Variants in ROS1 observed in about 807,000 individuals in gnomAD.
ROS1 encodes the protein ROS proto-oncogene 1, receptor tyrosine kinase.
A neutral mutation model predicts 273.5 loss-of-function variants in ROS1; 263 were observed. The ratio of observed to expected loss-of-function variants is 0.96; its 90% confidence interval spans 0.87 to 1.06. ROS1 has a LOEUF of 1.06. Ranked by LOEUF, ROS1 falls within the 50% of genes least tolerant of loss-of-function variation. ROS1 has a pLI of 0.00. For missense variants in ROS1, 2,833 were observed against 2,751.1 expected (o/e 1.03, Z -0.67); for synonymous variants, 1,008 against 954.1 (o/e 1.06, Z -1.04).
chr6:117,323,602 G>A (rs1776433657), intron 35 of ROS1, among the ~76,000 whole-genome samples: 1 of 152,070 alleles, frequency 6.6e-6, no homozygotes, highest in Admixed American at 6.6e-5. Flanking sequence ...ATTATTATTT[G>A]TGCTGAAACA....
In ROS1 at chr6:117,324,312, A is replaced by T. The variant is rs2128574759; in HGVS notation, c.5623+20T>A. 8.2e-7 allele frequency: 1 copy of T among 1,214,964 alleles called. No homozygotes were observed. Among genetic ancestry groups the T allele is most frequent in the Non-Finnish European group, 1.2e-6 (1 of 834,290 alleles). 75.3% of individuals were successfully genotyped at this position (1,214,964 alleles called of 1,614,324 possible). ...AAGTAAACAGTTTGTTGCCTATTTTAAAAATTCTATTATACTTACCAAAGG... is the reference window on the plus strand; with the variant it reads ...AAGTAAACAGTTTGTTGCCTATTTTTAAAATTCTATTATACTTACCAAAGG... On this transcript the variant is annotated intron_variant, in intron 35 of 43. Transcript: ENST00000368507.
chr6:117,366,460 T>C (rs533378705), intron 18 of ROS1, among the ~76,000 whole-genome samples, 170 bp from the exon 19 acceptor site: 1 of 152,192 alleles, frequency 6.6e-6, no homozygotes, highest in Non-Finnish European at 1.5e-5. Flanking sequence ...CATATTAAGT[T>C]GGGTTTTTAT....
intron 39 of ROS1, among the ~76,000 whole-genome samples, chr6:117,313,831 G>A (rs1775718390): frequency 2.0e-5 from 3 of 152,164 alleles, no homozygotes; most frequent in Admixed American, 2.0e-4. Context: ...GAAGTCAGCA[G>A]GAGGGAGAGT....
intron 43 of ROS1, among the ~76,000 whole-genome samples, chr6:117,296,418 T>C (rs530389529): frequency 6.7e-6 from 1 of 149,782 alleles, no homozygotes; most frequent in East Asian, 2.0e-4. Flanking sequence ...AATAGACAAA[T>C]GGATAAAGAA....
At chr6:117,307,936 C>G (rs1775234799) in intron 42 of ROS1, among the ~76,000 whole-genome samples, 1 of 152,130 alleles carries the variant, frequency 6.6e-6, no homozygotes. Flanking sequence ...TCCAACTGCT[C>G]TCTGTGGGTG....
In ROS1 at chr6:117,365,711, G is replaced by T. The variant is rs774580552; in HGVS notation, c.2828C>A (p.Pro943Gln). The change falls in exon 20 of 44, where the codon CCA becomes CAA. Residue 943 changes from proline (P) to glutamine (Q), a missense_variant. Coordinates refer to ENST00000368507, the MANE Select transcript of ROS1 (RefSeq NM_001378902.1). ...AAATGAAGACTCTTGAACAGAATCT[G>T]GAATAACCTTAGGGGTAAAGGAAAA... ...GNFSFTPKVI[P>Q]DSVQESSFRI... is the part of the protein sequence containing the mutation. 1.2e-6 allele frequency: 2 copies of T among 1,601,084 alleles called. No individual in the cohort carries two copies. Among genetic ancestry groups the T allele is most frequent in the Non-Finnish European group, 1.7e-6 (2 of 1,175,508 alleles).
At chr6:117,418,428 T>G in intron 2 of ROS1, 34 bp downstream of exon 2, 1 of 1,471,220 alleles carries the variant, frequency 6.8e-7, no homozygotes, top group Non-Finnish European at 9.4e-7. Flanking sequence ...ACACAAACAT[T>G]GTAATATTCT....
intron 21 of ROS1, 49 bp from the exon 22 acceptor site, chr6:117,362,914 A>G (rs1276587134): frequency 2.1e-6 from 3 of 1,458,566 alleles, no homozygotes; most frequent in Non-Finnish European, 9.2e-7. Context: ...AAGAATATAA[A>G]GAATATAAGA....
intron 37 of ROS1, 124 bp from the exon 38 acceptor site, chr6:117,318,376 A>C: frequency 1.4e-6 from 1 of 709,154 alleles, no homozygotes; most frequent in East Asian, 2.6e-5. Flanking sequence ...CAGATCGTAG[A>C]TAAAACATGT....
intron 8 of ROS1, 94 bp downstream of exon 8, chr6:117,396,821 C>T (rs2128716293): frequency 1.1e-6 from 1 of 932,076 alleles, no homozygotes; most frequent in Non-Finnish European, 1.7e-6. Context: ...CTTCTCAAAG[C>T]ACATTTAAAC....
intron 43 of ROS1, among the ~76,000 whole-genome samples, chr6:117,293,153 C>G (rs1295578875): frequency 6.6e-6 from 1 of 152,166 alleles, no homozygotes; most frequent in Non-Finnish European, 1.5e-5. Flanking sequence ...TTTTTCTTGA[C>G]TCTCCCTCTG....
chr6:117,408,959 C>G (rs1288749650), intron 5 of ROS1, among the ~76,000 whole-genome samples: 1 of 150,390 alleles, frequency 6.6e-6, no homozygotes, highest in African/African-American at 2.4e-5. Flanking sequence ...CAAACTATCG[C>G]GAGGACAAAA....
At chr6:117,413,917 G>T (rs1775127401) in intron 4 of ROS1, among the ~76,000 whole-genome samples, 1 of 152,106 alleles carries the variant, frequency 6.6e-6, no homozygotes, top group Non-Finnish European at 1.5e-5. Flanking sequence ...GGAGGCAGAG[G>T]TTGCAGTCAG....
At chr6:117,407,341 G>A (rs1224108761) in intron 5 of ROS1, among the ~76,000 whole-genome samples, 2 of 152,160 alleles carry the variant, frequency 1.3e-5, no homozygotes, top group African/African-American at 4.8e-5. Flanking sequence ...TCCAAGCCAT[G>A]ACTTATCAAA....
intron 6 of ROS1, 96 bp from the exon 7 acceptor site, chr6:117,403,373 A>G: frequency 8.3e-7 from 1 of 1,203,824 alleles, no homozygotes; most frequent in South Asian, 1.4e-5. Context: ...TGGATGGCTC[A>G]ACAGAGAAGA....
intron 12 of ROS1, among the ~76,000 whole-genome samples, chr6:117,390,446 T>G (rs986999042): frequency 2.0e-5 from 3 of 152,152 alleles, no homozygotes; most frequent in Non-Finnish European, 4.4e-5. Flanking sequence ...CTTTCAAAAT[T>G]TTAAAGGAAA....
intron 17 of ROS1, among the ~76,000 whole-genome samples, chr6:117,380,186 A>G (rs924700838): frequency 2.6e-5 from 4 of 152,146 alleles, no homozygotes; most frequent in Non-Finnish European, 5.9e-5. Context: ...AATAGAATTA[A>G]AGTTGACGAC....
chr6:117,294,022 T>C (rs966593036), intron 43 of ROS1, among the ~76,000 whole-genome samples: 1 of 152,160 alleles, frequency 6.6e-6, no homozygotes, highest in Non-Finnish European at 1.5e-5. Flanking sequence ...TGAAGACACA[T>C]GATACATTAC....
chr6:117,368,370 T>A (rs1414109791), intron 18 of ROS1, among the ~76,000 whole-genome samples: 1 of 152,218 alleles, frequency 6.6e-6, no homozygotes, highest in African/African-American at 2.4e-5. Context: ...TTTGAGAATT[T>A]CACAGTACCT....
Sources: allele counts gnomAD v4.1 joint callset (sites outside exome capture counted in the v4.1 genomes callset), GRCh38; gene constraint gnomAD v4.1.1; transcripts MANE v1.5; gene names NCBI Gene and HGNC (gene_info 2026-07-23, HGNC 2026-07-21).